The following APH1B variants were observed in gnomAD, a reference collection of about 807,000 sequenced individuals.
APH1B encodes the protein gamma-secretase subunit APH-1B.
A neutral mutation model predicts 28.2 loss-of-function variants in APH1B; 27 were observed. The ratio of observed to expected loss-of-function variants is 0.96; its 90% CI spans 0.70 to 1.32. APH1B has a LOEUF of 1.32. APH1B is among the 40% of genes most tolerant of loss of function. The probability of loss-of-function intolerance (pLI) is 0.00; values close to 1 mark genes in which losing one functional copy is unlikely to be tolerated. For synonymous variants in APH1B, 141 were observed against 124.6 expected, an observed-to-expected ratio of 1.13 and a Z score of -0.88; for missense variants, 305 against 313.6, an observed-to-expected ratio of 0.97 and a Z score of 0.21.
In APH1B at chr15:63,277,636, G is replaced by T. The variant is rs1275082191; in HGVS notation, c.13G>T (p.Val5Leu). ...TTCCGCGGTGGCCATGACTGCGGCC[G>T]TGTTCTTCGGCTGCGCCTTCATTGC... The part of the protein sequence containing the change: MTAA[V>L]FFGCAFIAFG... Residue 5 changes from valine to leucine, a missense_variant, in exon 1 of 6, where the codon GTG becomes TTG. Transcript: ENST00000261879. 1.3e-6 allele frequency: 2 copies of T among 1,572,296 alleles called. No individual in the cohort carries two copies. The highest frequency in any genetic ancestry group is 2.8e-5 in the African/African-American group (2 of 72,214).
intron 5 of APH1B, among the ~76,000 whole-genome samples, 175 bp from the exon 6 acceptor site, chr15:63,305,439 G>A (rs1035999575): frequency 5.3e-5 from 8 of 152,162 alleles, no homozygotes. Context: ...CACAGTATCT[G>A]CTGACCAGCT....
chr15:63,278,831 T>C (rs1043649090), intron 1 of APH1B, among the ~76,000 whole-genome samples: 1 of 152,196 alleles, frequency 6.6e-6, no homozygotes, highest in African/African-American at 2.4e-5. Flanking sequence ...GGGCAGAGCA[T>C]TGATTAGAAA....
At chr15:63,301,840 G>A (rs1311017838) in intron 4 of APH1B, among the ~76,000 whole-genome samples, 2 of 152,148 alleles carry the variant, frequency 1.3e-5, no homozygotes, top group Non-Finnish European at 2.9e-5. Flanking sequence ...TCAAACTCCT[G>A]ACTCAAGTGA....
chr15:63,288,828 G>A (rs1004119857), intron 4 of APH1B, among the ~76,000 whole-genome samples: 3 of 152,188 alleles, frequency 2.0e-5, no homozygotes, highest in Admixed American at 2.0e-4. Flanking sequence ...AGTAAAGTCT[G>A]TTAGAACCCG....
intron 4 of APH1B, among the ~76,000 whole-genome samples, chr15:63,294,000 A>G (rs892039535): frequency 2.0e-5 from 3 of 151,916 alleles, no homozygotes; most frequent in African/African-American, 4.8e-5. Context: ...CCTGGGCTCA[A>G]GTGATTCTCC....
chr15:63,282,476 G>A (rs958806005), intron 2 of APH1B, among the ~76,000 whole-genome samples: 1 of 152,212 alleles, frequency 6.6e-6, no homozygotes, highest in African/African-American at 2.4e-5. Flanking sequence ...TTTCAGCCTG[G>A]CAGAGCCTTG....
At position 63,302,559 on chromosome 15, in the gene APH1B, C is replaced by T. The variant is rs943530830; in HGVS notation, c.606+87C>T. The stretch of plus-strand genomic sequence containing the variant: ...TAAATTCTACTCTAGATGAAATACA[C>T]GCTCATGAGAACATGAGGAAATTCA... On this transcript the variant is annotated intron_variant, in intron 5 of 5. Coordinates refer to ENST00000261879, the MANE Select transcript of APH1B (RefSeq NM_031301.4). The T allele has an allele frequency of 5.4e-5, 80 of 1,469,586 alleles. No homozygotes were observed. The African/African-American group carries it at 8.5e-4, about 16-fold the overall frequency. The allele number at this position is 1,469,586 out of a possible 1,614,324, so 91.0% of individuals were successfully genotyped here.
In APH1B at chr15:63,277,713, G is replaced by A. The variant is rs1036622452; in HGVS notation, c.90G>A (p.Leu30=). 6.2e-7 allele frequency: 1 copy of A among 1,611,076 alleles called. No individual in the cohort carries two copies. The highest frequency in any genetic ancestry group is 1.3e-5 in the African/African-American group (1 of 74,574). Residue 30 remains leucine (L), a synonymous_variant, in exon 1 of 6, where the codon TTG becomes TTA. Coordinates refer to ENST00000261879, the MANE Select transcript of APH1B (RefSeq NM_031301.4). The part of the protein sequence containing the change: ...LYVFTIATEP[L]RIIFLIAGAF... ...TCTTCACCATCGCCACCGAGCCGTT[G>A]CGTATCATCTTCCTCATCGCCGGGT...
At chr15:63,297,229 A>G (rs1018621972) in intron 4 of APH1B, among the ~76,000 whole-genome samples, 3 of 152,182 alleles carry the variant, frequency 2.0e-5, no homozygotes, top group African/African-American at 7.2e-5. Context: ...TTTTGGCTTA[A>G]GAATATTAGA....
At chr15:63,303,974 A>C (rs951039233) in intron 5 of APH1B, among the ~76,000 whole-genome samples, 1 of 151,888 alleles carries the variant, frequency 6.6e-6, no homozygotes, top group Non-Finnish European at 1.5e-5. Flanking sequence ...TCGACTGTTC[A>C]TACCACTCAA....
At chr15:63,282,008 G>A (rs2038394335) in intron 2 of APH1B, among the ~76,000 whole-genome samples, 1 of 152,210 alleles carries the variant, frequency 6.6e-6, no homozygotes, top group Middle Eastern at 3.4e-3. Flanking sequence ...TAGCAGGTAC[G>A]TTTGTTTGCA....
intron 2 of APH1B, 76 bp downstream of exon 2, chr15:63,279,407 T>C: frequency 7.3e-7 from 1 of 1,379,286 alleles, no homozygotes; most frequent in Non-Finnish European, 9.9e-7. Flanking sequence ...GAAACGTGAA[T>C]ATAGTATTGT....
chr15:63,304,165 G>A lies in APH1B; in HGVS notation c.607-1449G>A, dbSNP rs77556039. Among the ~76,000 whole-genome samples, 2,777 of 152,276 alleles carry A rather than the reference G, an allele frequency of 0.018. 29 individuals are homozygous for A. The highest frequency in any genetic ancestry group is 0.051 in the Middle Eastern group (15 of 294). On this transcript the variant is annotated intron_variant, in intron 5 of 5. Transcript: ENST00000261879. This position sits in a 1 kb window ranked among gnomAD's most constrained non-coding sequence, Gnocchi z 5.1. ...ATTTACGTTTCCCTGATGATTAATA[G>A]GTTGAGCCCCATGTTGTGTGGCTCC...
At chr15:63,288,185 T>G (rs1240653835) in intron 4 of APH1B, among the ~76,000 whole-genome samples, 2 of 152,246 alleles carry the variant, frequency 1.3e-5, no homozygotes, top group African/African-American at 2.4e-5. Context: ...CCACAACAGT[T>G]ATGCCATTGA....
chr15:63,284,667 A>G (rs562713277), intron 2 of APH1B, among the ~76,000 whole-genome samples: 19 of 152,328 alleles, frequency 1.2e-4, no homozygotes, highest in Non-Finnish European at 2.1e-4. Flanking sequence ...GACTACCATC[A>G]TATGTGCAGT....
chr15:63,278,157 G>A (rs2038345685), intron 1 of APH1B: 1 of 382,670 alleles, frequency 2.6e-6, no homozygotes, highest in Non-Finnish European at 5.1e-6. Context: ...AATCACCTGT[G>A]GCCAGGTGCT....
chr15:63,279,996 C>T (rs758621233), intron 2 of APH1B, among the ~76,000 whole-genome samples: 1 of 152,054 alleles, frequency 6.6e-6, no homozygotes, highest in Non-Finnish European at 1.5e-5. Flanking sequence ...CAGGGTTTCA[C>T]CATGTTCGCC....
chr15:63,289,904 C>T lies in APH1B; in HGVS notation c.478+2358C>T, dbSNP rs1281003766. On this transcript the variant is annotated intron_variant, in intron 4 of 5. Transcript: ENST00000261879. ...CCATGGTCCCAGCTACTCAGGAGGC[C>T]GAGGTGGGAGAATCATTGAGCCCGG... Among the ~76,000 whole-genome samples, 6 of 151,608 alleles carry T rather than the reference C, an allele frequency of 4.0e-5. No individual in the cohort carries two copies. In the East Asian group the frequency reaches 9.7e-4, roughly 24 times the overall value.
In APH1B at chr15:63,299,490, C is replaced by T. The variant is rs536602639; in HGVS notation, c.479-2855C>T. Among the ~76,000 whole-genome samples the T allele has an allele frequency of 4.6e-5, 7 of 152,130 alleles. No individual in the cohort carries two copies. The East Asian group carries it at 7.8e-4, about 17-fold the overall frequency. ...CACTATCTCGGCTCACTGCAAGCTC[C>T]GCCTCCCAGGTTCACGCCATTCTCC... is the stretch of plus-strand genomic sequence containing the variant. On this transcript the variant is annotated intron_variant, in intron 4 of 5. Coordinates refer to ENST00000261879, the MANE Select transcript of APH1B (RefSeq NM_031301.4).
Sources: allele counts gnomAD v4.1 joint callset (sites outside exome capture counted in the v4.1 genomes callset), GRCh38; gene constraint gnomAD v4.1.1; non-coding constraint Gnocchi (gnomAD v3.1); transcripts MANE v1.5; gene names NCBI Gene and HGNC (gene_info 2026-07-23, HGNC 2026-07-21).